ITPR1: variants seen among roughly 807,000 people sequenced by gnomAD.
ITPR1 encodes inositol 1,4,5-trisphosphate receptor type 1.
A neutral mutation model predicts 318.4 loss-of-function variants in ITPR1; 96 were observed. The observed-to-expected ratio is 0.30, with a 90% CI of 0.26 to 0.36. ITPR1 has a LOEUF of 0.36. ITPR1 is among the 10% of genes least tolerant of loss of function. The pLI, the probability that ITPR1 is intolerant of heterozygous loss-of-function variation, is 1.00. For missense variants in ITPR1, 2,440 were observed against 3,460.2 expected (o/e 0.71, Z 7.40); for synonymous variants, 1,312 against 1,289.9 (o/e 1.02, Z -0.37).
intron 53 of ITPR1, among the ~76,000 whole-genome samples, chr3:4,798,089 TTG>T (rs2048006652): frequency 6.6e-6 from 1 of 152,208 alleles, no homozygotes; most frequent in Admixed American, 6.5e-5. Flanking sequence ...GGGACATACA[TTG>T]TACTGGTCAC....
At position 4,683,438 on chromosome 3, in the gene ITPR1, C is replaced by T; in HGVS notation, c.3214C>T (p.Arg1072Cys). 4 of 1,614,048 alleles carry T rather than the reference C, an allele frequency of 2.5e-6. No homozygotes were observed. Among genetic ancestry groups the T allele is most frequent in the Non-Finnish European group, 3.4e-6 (4 of 1,179,900 alleles). The change falls in exon 27 of 62, where the codon CGT becomes TGT. Residue 1072 changes from arginine (R) to cysteine (C), a missense_variant. Coordinates refer to ENST00000649015, the MANE Select transcript of ITPR1 (RefSeq NM_001378452.1). ...LDDHGGRTFLRVLLHLTMHDY... is the reference protein window; with the variant it reads ...LDDHGGRTFLCVLLHLTMHDY... Reference sequence around the variant, plus strand: ...TGACCACGGCGGCAGAACCTTTCTCCGTGTCCTGCTCCACTTGACGATGCA... The same window carrying T: ...TGACCACGGCGGCAGAACCTTTCTCTGTGTCCTGCTCCACTTGACGATGCA...
chr3:4,658,970 G>A (rs912478674), intron 13 of ITPR1, among the ~76,000 whole-genome samples: 3 of 152,160 alleles, frequency 2.0e-5, no homozygotes, highest in Admixed American at 6.6e-5. Flanking sequence ...GTGAGAGATA[G>A]GTATTGCTAT....
chr3:4,748,268 T>A (rs1313817555), intron 44 of ITPR1, among the ~76,000 whole-genome samples: 1 of 152,188 alleles, frequency 6.6e-6, no homozygotes, highest in Admixed American at 6.5e-5. Context: ...GAGGGAGCTA[T>A]TCAGTGCCCT....
intron 15 of ITPR1, among the ~76,000 whole-genome samples, chr3:4,662,489 G>A (rs573522143): frequency 2.6e-5 from 4 of 152,294 alleles, no homozygotes; most frequent in African/African-American, 9.6e-5. Flanking sequence ...TTGGGAGGCT[G>A]AGGTGGGTGG....
In ITPR1 at chr3:4,657,351, C is replaced by G. The variant is rs72993393; in HGVS notation, c.997-773C>G. ...GCAGGATGAGTTTCCTCAACATCCC[C>G]TCTCCCCTAGCTCCTGCGGATGGAT... On this transcript the variant is annotated intron_variant, in intron 12 of 61. Transcript: ENST00000649015. Among the ~76,000 whole-genome samples the G allele has an allele frequency of 4.4e-3, 669 of 151,616 alleles. 3 individuals are homozygous for G. The highest frequency in any genetic ancestry group is 6.7e-3 in the Non-Finnish European group (458 of 67,980).
chr3:4,560,981 C>G (rs2086616334), intron 4 of ITPR1, among the ~76,000 whole-genome samples: 1 of 152,172 alleles, frequency 6.6e-6, no homozygotes, highest in Admixed American at 6.5e-5. Flanking sequence ...CCTTTTGCTG[C>G]TTTGAGGATG....
intron 4 of ITPR1, among the ~76,000 whole-genome samples, chr3:4,577,148 A>G (rs1242484383): frequency 6.6e-6 from 1 of 152,168 alleles, no homozygotes; most frequent in African/African-American, 2.4e-5. Flanking sequence ...CCCCCTACTG[A>G]ATACACTTTT....
At chr3:4,651,624 T>C (rs1285898728) in intron 10 of ITPR1, among the ~76,000 whole-genome samples, 1 of 152,246 alleles carries the variant, frequency 6.6e-6, no homozygotes, top group Non-Finnish European at 1.5e-5. Context: ...TAATTGTTTA[T>C]GGCACCAACT....
chr3:4,718,608 C>G (rs2041934046), intron 40 of ITPR1, among the ~76,000 whole-genome samples: 1 of 152,206 alleles, frequency 6.6e-6, no homozygotes, highest in Non-Finnish European at 1.5e-5. Flanking sequence ...TAAATCAGGA[C>G]AAACACGTGG....
At chr3:4,679,763 T>C (rs1482643987) in intron 24 of ITPR1, among the ~76,000 whole-genome samples, 1 of 152,158 alleles carries the variant, frequency 6.6e-6, no homozygotes, top group East Asian at 1.9e-4. Context: ...TGTGAAACAC[T>C]GAGTTTGAGG....
chr3:4,683,761 A>G lies in ITPR1; in HGVS notation c.3461A>G (p.Asp1154Gly), dbSNP rs61751570. Residue 1154 changes from aspartate to glycine, a missense_variant, in exon 28 of 62, where the codon GAT (aspartate) becomes GGT (glycine). Coordinates refer to ENST00000649015, the MANE Select transcript of ITPR1 (RefSeq NM_001378452.1). ...YKGQGPDETMDGASGENEHKK... is the reference protein window; with the variant it reads ...YKGQGPDETMGGASGENEHKK... ...GGGCAGGGCCCCGATGAGACTATGG[A>G]TGGTGCATCTGGAGAAAATGAACAT... 1.4e-3 allele frequency: 2,309 copies of G among 1,613,988 alleles called. 4 individuals are homozygous for G. The highest frequency in any genetic ancestry group is 1.4e-3 in the Non-Finnish European group (1,676 of 1,179,856).
At chr3:4,812,019 T>A (rs1200306909) in intron 56 of ITPR1, among the ~76,000 whole-genome samples, 1 of 150,822 alleles carries the variant, frequency 6.6e-6, no homozygotes, top group African/African-American at 2.4e-5. Flanking sequence ...AGGATAACTA[T>A]AGTAGGATCA....
intron 4 of ITPR1, among the ~76,000 whole-genome samples, chr3:4,547,885 T>C (rs142192175): frequency 6.6e-6 from 1 of 152,182 alleles, no homozygotes; most frequent in African/African-American, 2.4e-5. Context: ...TTGAGTATCA[T>C]TCAGATTATT....
At position 4,669,678 on chromosome 3, in the gene ITPR1, C is replaced by G; in HGVS notation, c.1911C>G (p.Leu637=). The part of the protein sequence containing the change: ...EPRFLDYLSD[L]CVSMNKSIPV... ...GATTCTTAGATTACCTCTCCGACCT[C>G]TGTGTCTCCATGAACAAATCAATTC... Residue 637 remains leucine (L), a synonymous_variant, in exon 19 of 62, where the codon CTC becomes CTG. Transcript: ENST00000649015. The G allele has an allele frequency of 6.2e-7, 1 of 1,613,010 alleles. No individual in the cohort carries two copies. The highest frequency in any genetic ancestry group is 1.7e-4 in the Middle Eastern group (1 of 6,050).
intron 2 of ITPR1, among the ~76,000 whole-genome samples, chr3:4,509,167 C>A (rs759362552): frequency 2.0e-5 from 3 of 152,084 alleles, no homozygotes; most frequent in Admixed American, 6.5e-5. Flanking sequence ...AGGTTGCCCC[C>A]TTTTTTACAG....
At chr3:4,825,813 C>T (rs1004403261) in intron 60 of ITPR1, 8 of 456,840 alleles carry the variant, frequency 1.8e-5, no homozygotes, top group Middle Eastern at 3.2e-4. Flanking sequence ...AGCTTCCAGC[C>T]AGAGGCAACG....
chr3:4,546,487 T>G (rs1380618430), intron 4 of ITPR1, among the ~76,000 whole-genome samples: 1 of 152,180 alleles, frequency 6.6e-6, no homozygotes. Flanking sequence ...CCTGAATCTT[T>G]CCTCCTTTCC....
At chr3:4,495,181 A>G (rs925080678) in intron 2 of ITPR1, among the ~76,000 whole-genome samples, 1 of 149,376 alleles carries the variant, frequency 6.7e-6, no homozygotes, top group Non-Finnish European at 1.5e-5. Context: ...GCATTTGAAG[A>G]GTGGGAGGTT....
At chr3:4,495,180 G>A (rs570976057) in intron 2 of ITPR1, among the ~76,000 whole-genome samples, 1 of 152,044 alleles carries the variant, frequency 6.6e-6, no homozygotes, top group South Asian at 2.1e-4. Flanking sequence ...TGCATTTGAA[G>A]AGTGGGAGGT....
Sources: allele counts gnomAD v4.1 joint callset (sites outside exome capture counted in the v4.1 genomes callset), GRCh38; gene constraint gnomAD v4.1.1; transcripts MANE v1.5; gene names NCBI Gene and HGNC (gene_info 2026-07-23, HGNC 2026-07-21).